Variants in TBC1D32 observed in about 807,000 individuals in gnomAD.
TBC1D32 encodes TBC1 domain family member 32.
Under a neutral mutation model 170.3 loss-of-function variants are expected in TBC1D32, and 151 were observed. The observed-to-expected ratio is 0.89, with a 90% CI of 0.78 to 1.01. TBC1D32 has a LOEUF of 1.01. Ranked by LOEUF, TBC1D32 falls within the 50% of genes least tolerant of loss-of-function variation. TBC1D32 has a pLI of 0.00. For synonymous variants in TBC1D32, 498 were observed against 488.0 expected (o/e 1.02, Z -0.27); for missense variants, 1,464 against 1,457.1 (o/e 1.00, Z -0.08).
At chr6:121,246,223 G>C (rs1413656514) in intron 17 of TBC1D32, among the ~76,000 whole-genome samples, 1 of 152,080 alleles carries the variant, frequency 6.6e-6, no homozygotes, top group Non-Finnish European at 1.5e-5. Context: ...CACACACCAA[G>C]TATATAACTA....
At chr6:121,246,501 C>A (rs2128373299) in intron 17 of TBC1D32, among the ~76,000 whole-genome samples, 1 of 152,040 alleles carries the variant, frequency 6.6e-6, no homozygotes, top group Non-Finnish European at 1.5e-5. Flanking sequence ...CAAAAGGTCA[C>A]AGTAGGCCCC....
intron 24 of TBC1D32, among the ~76,000 whole-genome samples, chr6:121,146,503 G>A (rs1783467298): frequency 2.0e-5 from 3 of 152,144 alleles, no homozygotes; most frequent in Admixed American, 1.3e-4. Flanking sequence ...TAGGAAACAT[G>A]GCTATTAACT....
intron 9 of TBC1D32, among the ~76,000 whole-genome samples, chr6:121,300,539 CA>C (rs1806305667): frequency 6.6e-6 from 1 of 152,022 alleles, no homozygotes; most frequent in Non-Finnish European, 1.5e-5. Flanking sequence ...AAACTTAACT[CA>C]AGATGGATTA....
At chr6:121,297,616 T>C (rs1805859627) in intron 10 of TBC1D32, among the ~76,000 whole-genome samples, 1 of 152,068 alleles carries the variant, frequency 6.6e-6, no homozygotes, top group Non-Finnish European at 1.5e-5. Flanking sequence ...TCTTAACTTT[T>C]TCAGGGATAT....
At chr6:121,224,650 C>T (rs1397692191) in intron 20 of TBC1D32, among the ~76,000 whole-genome samples, 2 of 151,998 alleles carry the variant, frequency 1.3e-5, no homozygotes, top group Non-Finnish European at 2.9e-5. Context: ...AATCTTCAGA[C>T]ACTATTTGAC....
Position 121,080,215 on chromosome 6 carries a change from CTTTT to C in TBC1D32, c.*552_*555del, listed in dbSNP as rs370155731. 6 of 116,060 alleles carry C rather than the reference CTTTT, an allele frequency of 5.2e-5. No homozygotes were observed. The highest frequency in any genetic ancestry group is 2.7e-4 in the South Asian group (1 of 3,708). The allele number at this position is 116,060 out of a possible 1,614,324, so 7.2% of individuals were successfully genotyped here. A position where few individuals can be genotyped will look rare whatever the true frequency, so the allele number is the denominator to read the frequency against. On this transcript the variant is annotated 3_prime_UTR_variant, in exon 32 of 32. Coordinates refer to ENST00000398212, the MANE Select transcript of TBC1D32 (RefSeq NM_152730.6). ...TGAATAAAGGAGATGTAAGTTGGGA[CTTTT>C]TTTTTTTTTTTTTTTTTGAGACAGA... is the stretch of plus-strand genomic sequence containing the variant.
intron 21 of TBC1D32, among the ~76,000 whole-genome samples, chr6:121,218,896 G>T (rs1034020806): frequency 6.6e-6 from 1 of 152,142 alleles, no homozygotes; most frequent in African/African-American, 2.4e-5. Context: ...GATGAAGGAT[G>T]TGTTTTCTTC....
chr6:121,196,986 G>C (rs1306624209), intron 22 of TBC1D32, among the ~76,000 whole-genome samples: 1 of 152,156 alleles, frequency 6.6e-6, no homozygotes, highest in African/African-American at 2.4e-5. Context: ...CTTAGTTCCA[G>C]AGGGAGGAAC....
At chr6:121,192,370 A>AAT (rs904905040) in intron 22 of TBC1D32, 3 of 152,124 alleles carry the variant, frequency 2.0e-5, no homozygotes, top group Non-Finnish European at 2.9e-5. Context: ...GACTCTACAT[A>AAT]ATACCTTTGA....
intron 12 of TBC1D32, among the ~76,000 whole-genome samples, chr6:121,290,261 G>C (rs894502157): frequency 6.6e-6 from 1 of 152,092 alleles, no homozygotes; most frequent in African/African-American, 2.4e-5. Flanking sequence ...CTGACAAAGG[G>C]CTAATATCCA....
At chr6:121,323,225 C>T (rs1244231722) in intron 1 of TBC1D32, among the ~76,000 whole-genome samples, 1 of 152,130 alleles carries the variant, frequency 6.6e-6, no homozygotes, top group African/African-American at 2.4e-5. Context: ...TTACTGCCTC[C>T]CTTTTTTCTC....
At chr6:121,305,620 C>G (rs1807212042) in intron 5 of TBC1D32, among the ~76,000 whole-genome samples, 1 of 151,958 alleles carries the variant, frequency 6.6e-6, no homozygotes, top group African/African-American at 2.4e-5. Context: ...AAAATATCTT[C>G]TAATGGCCCC....
At chr6:121,260,666 TG>T (rs142443142) in intron 15 of TBC1D32, among the ~76,000 whole-genome samples, 9,812 of 152,266 alleles carry the variant, frequency 0.064, 616 homozygotes, top group Admixed American at 0.21. Flanking sequence ...AAGATCCCAC[TG>T]GTGAGCCCAC....
chr6:121,123,074 T>C (rs1482579350), intron 26 of TBC1D32, among the ~76,000 whole-genome samples: 7 of 152,064 alleles, frequency 4.6e-5, no homozygotes, highest in Non-Finnish European at 1.0e-4. Context: ...AGTAGAGATA[T>C]CAACTAAAAA....
intron 12 of TBC1D32, among the ~76,000 whole-genome samples, chr6:121,289,379 C>G (rs1054869110): frequency 4.6e-5 from 7 of 152,120 alleles, no homozygotes; most frequent in African/African-American, 1.7e-4. Context: ...ACAGCCAAAT[C>G]ATGAGTGAAC....
intron 31 of TBC1D32, among the ~76,000 whole-genome samples, chr6:121,085,373 G>GTATA (rs72212075): frequency 9.3e-5 from 10 of 108,052 alleles, no homozygotes; most frequent in African/African-American, 2.1e-4. Context: ...ATATATATGT[G>GTATA]TATATATATA....
chr6:121,231,272 C>T (rs956331790), intron 20 of TBC1D32, among the ~76,000 whole-genome samples: 6 of 152,076 alleles, frequency 3.9e-5, no homozygotes, highest in African/African-American at 1.4e-4. Context: ...CTTTTTATGG[C>T]TGAGTAGTAT....
At chr6:121,146,285 G>A (rs1783438925) in intron 24 of TBC1D32, among the ~76,000 whole-genome samples, 2 of 152,156 alleles carry the variant, frequency 1.3e-5, no homozygotes. Context: ...AAAAGAAAAA[G>A]GGAGAACTGC....
At chr6:121,160,454 G>A (rs1370943346) in intron 23 of TBC1D32, among the ~76,000 whole-genome samples, 1 of 147,330 alleles carries the variant, frequency 6.8e-6, no homozygotes, top group African/African-American at 2.4e-5. Context: ...TTCTCGTGCT[G>A]TCAGTCATTT....
Sources: gnomAD v4.1 joint callset for allele counts (sites outside exome capture counted in the v4.1 genomes callset) on GRCh38, gnomAD v4.1.1 for gene constraint, MANE v1.5 for transcripts, NCBI Gene and HGNC (gene_info 2026-07-23, HGNC 2026-07-21) for gene names.